FBXL13: variants seen among roughly 807,000 people sequenced by gnomAD.
FBXL13 encodes the protein F-box and leucine-rich repeat protein 13.
A neutral mutation model predicts 83.6 loss-of-function variants in FBXL13; 67 were observed. The observed-to-expected ratio is 0.80, with a 90% confidence interval of 0.66 to 0.98. The LOEUF is 0.98. FBXL13 is among the 50% of genes least tolerant of loss of function. FBXL13 has a pLI of 0.00. For missense variants in FBXL13, 822 were observed against 866.5 expected (o/e 0.95, Z 0.64); for synonymous variants, 272 against 299.5 (o/e 0.91, Z 0.95).
At chr7:103,018,713 T>C (rs1417447049) in intron 6 of FBXL13, among the ~76,000 whole-genome samples, 4 of 151,914 alleles carry the variant, frequency 2.6e-5, no homozygotes, top group African/African-American at 9.7e-5. Context: ...CCAACGAAGA[T>C]CAAAAGAGAC....
At chr7:102,881,853 C>T (rs1810139619) in intron 14 of FBXL13, among the ~76,000 whole-genome samples, 1 of 152,190 alleles carries the variant, frequency 6.6e-6, no homozygotes, top group South Asian at 2.1e-4. Context: ...TGGCCCTTGG[C>T]TGGAGCCCTC....
rs118054539 is a variant in FBXL13, at chr7:102,837,403, A to C, written c.1720-4429T>G. 1.6e-4 allele frequency among the ~76,000 whole-genome samples: 25 copies of C among 152,346 alleles called. No homozygotes were observed. The East Asian group carries it at 4.8e-3, about 29-fold the overall frequency. On this transcript the variant is annotated intron_variant, in intron 17 of 19. Coordinates refer to ENST00000313221, the Ensembl canonical transcript of FBXL13. ...GGGGGATAAGGCCAAGGACCAAAAC[A>C]AATATTTCCAAAGACACTTTCATGA...
intron 6 of FBXL13, among the ~76,000 whole-genome samples, chr7:103,009,249 G>A (rs1210630133): frequency 6.6e-6 from 1 of 152,114 alleles, no homozygotes; most frequent in African/African-American, 2.4e-5. Context: ...CAGCTCATGT[G>A]CGCCACTCTC....
At chr7:102,914,615 C>T (rs1815451463) in intron 10 of FBXL13, among the ~76,000 whole-genome samples, 2 of 152,182 alleles carry the variant, frequency 1.3e-5, no homozygotes, top group South Asian at 2.1e-4. Context: ...TTGAAAAACA[C>T]ATCTATATGA....
At position 103,055,643 on chromosome 7, in the gene FBXL13, C is replaced by T. The variant is rs1331761966; in HGVS notation, c.-1+1G>A. The T allele has an allele frequency of 1.6e-6, 2 of 1,224,886 alleles. No homozygotes were observed. Among genetic ancestry groups the T allele is most frequent in the East Asian group, 5.7e-5 (1 of 17,436 alleles). The allele number at this position is 1,224,886 out of a possible 1,614,324, so 75.9% of individuals were successfully genotyped here. A position where few individuals can be genotyped will look rare whatever the true frequency, so the allele number is the denominator to read the frequency against. ...CTATCAAAAATCAAAACAATACTTA[C>T]CAAAGAAGATTCTGAAGACCACTTT... On this transcript the variant is annotated splice_donor_variant, in intron 2 of 19. Transcript: ENST00000313221. LOFTEE classifies it low-confidence loss of function (5UTR_SPLICE).
intron 2 of FBXL13, among the ~76,000 whole-genome samples, chr7:103,044,403 A>G (rs1040512387): frequency 1.3e-5 from 2 of 152,238 alleles, no homozygotes; most frequent in African/African-American, 2.4e-5. Flanking sequence ...TAGAATATGA[A>G]TCTGAATATA....
At chr7:103,066,878 G>A (rs1238040055) in intron 1 of FBXL13, among the ~76,000 whole-genome samples, 2 of 148,182 alleles carry the variant, frequency 1.3e-5, no homozygotes, top group African/African-American at 5.0e-5. Flanking sequence ...CGCAACCTTC[G>A]CCTCCTGGGT....
intron 17 of FBXL13, among the ~76,000 whole-genome samples, chr7:102,839,723 CAT>C (rs1184038613): frequency 2.0e-5 from 3 of 152,070 alleles, no homozygotes; most frequent in African/African-American, 7.2e-5. Context: ...TGGGATTACA[CAT>C]GTGAGCCACT....
intron 11 of FBXL13, among the ~76,000 whole-genome samples, chr7:102,894,028 A>AG (rs1811943466): frequency 6.6e-6 from 1 of 152,082 alleles, no homozygotes; most frequent in Non-Finnish European, 1.5e-5. Flanking sequence ...AAGAAAAGAA[A>AG]AGAAAGAGAC....
intron 10 of FBXL13, among the ~76,000 whole-genome samples, chr7:102,920,987 A>C (rs1039643398): frequency 6.6e-6 from 1 of 152,020 alleles, no homozygotes; most frequent in African/African-American, 2.4e-5. Flanking sequence ...CCCTGTCGCT[A>C]CTAAAAATAC....
At chr7:103,074,354 C>T in exon 1 of FBXL13, 5 of 1,032,506 alleles carry the variant, frequency 4.8e-6, no homozygotes, top group Non-Finnish European at 5.9e-6. Flanking sequence ...GGCTCTCTGG[C>T]ACTTCTTTCT....
rs557847332 is a variant in FBXL13, at chr7:102,972,318, C to T, written c.496-4201G>A. 1.3e-4 allele frequency among the ~76,000 whole-genome samples: 20 copies of T among 152,100 alleles called. No homozygotes were observed. In the South Asian group the frequency reaches 4.1e-3, roughly 32 times the overall value. The stretch of plus-strand genomic sequence containing the variant: ...AATCAAGAGTTAGTGTTCTAAATTT[C>T]AATTATTCTTCAAGAAGAAAGTATA... On this transcript the variant is annotated intron_variant, in intron 6 of 19. Coordinates refer to ENST00000313221, the Ensembl canonical transcript of FBXL13.
intron 11 of FBXL13, among the ~76,000 whole-genome samples, chr7:102,895,833 C>T (rs1812185759): frequency 6.6e-6 from 1 of 152,160 alleles, no homozygotes. Context: ...TCATATTTTC[C>T]ATTCTGAGAC....
At chr7:102,898,802 G>T (rs1280916437) in intron 11 of FBXL13, among the ~76,000 whole-genome samples, 1 of 152,164 alleles carries the variant, frequency 6.6e-6, no homozygotes, top group Non-Finnish European at 1.5e-5. Context: ...GTGACTAATG[G>T]TGAGAAACCT....
At chr7:103,033,961 G>T (rs1329989422) in intron 2 of FBXL13, among the ~76,000 whole-genome samples, 1 of 152,128 alleles carries the variant, frequency 6.6e-6, no homozygotes, top group South Asian at 2.1e-4. Flanking sequence ...GCTAGATACA[G>T]AGTGTCGACA....
At chr7:102,955,955 C>T (rs1303199135) in intron 8 of FBXL13, among the ~76,000 whole-genome samples, 1 of 152,126 alleles carries the variant, frequency 6.6e-6, no homozygotes, top group African/African-American at 2.4e-5. Flanking sequence ...ACCAGAAGTA[C>T]AAACAGGAGG....
chr7:102,952,327 T>A (rs1392004581), intron 8 of FBXL13, among the ~76,000 whole-genome samples: 8 of 152,134 alleles, frequency 5.3e-5, no homozygotes, highest in Non-Finnish European at 1.2e-4. Flanking sequence ...ACTGAACACA[T>A]AAAAGTGGTT....
At chr7:102,946,525 GAA>G (rs1412429019) in intron 8 of FBXL13, among the ~76,000 whole-genome samples, 5 of 150,818 alleles carry the variant, frequency 3.3e-5, no homozygotes, top group African/African-American at 9.8e-5. Flanking sequence ...GTTGGCAGGA[GAA>G]AGTCTTTTGT....
intron 2 of FBXL13, among the ~76,000 whole-genome samples, chr7:103,049,340 CTTTAT>C (rs1434576629): frequency 1.3e-5 from 2 of 152,298 alleles, no homozygotes; most frequent in East Asian, 3.9e-4. Flanking sequence ...GACTAAATGT[CTTTAT>C]TTTATCAATA....
Sources: gnomAD v4.1 joint callset for allele counts (sites outside exome capture counted in the v4.1 genomes callset) on GRCh38, gnomAD v4.1.1 for gene constraint, MANE v1.5 for transcripts, NCBI Gene and HGNC (gene_info 2026-07-23, HGNC 2026-07-21) for gene names.